KIF18A: variants seen among roughly 807,000 people sequenced by gnomAD.
KIF18A encodes the protein kinesin family member 18A.
Under a neutral mutation model 103.3 loss-of-function variants are expected in KIF18A, and 67 were observed. That is an observed-to-expected ratio of 0.65 (90% confidence interval 0.53 to 0.79). The LOEUF (loss-of-function observed/expected upper bound fraction) is 0.79. Ranked by LOEUF, KIF18A falls within the 30% of genes least tolerant of loss-of-function variation. The pLI, the probability that KIF18A is intolerant of heterozygous loss-of-function variation, is 0.00. For synonymous variants in KIF18A, 367 were observed against 355.5 expected (o/e 1.03, Z -0.36); for missense variants, 1,032 against 1,062.5 (o/e 0.97, Z 0.40).
At chr11:28,084,860 C>A in intron 6 of KIF18A, 52 bp from the exon 7 acceptor site, 2 of 1,418,404 alleles carry the variant, frequency 1.4e-6, no homozygotes, top group South Asian at 1.2e-5. Context: ...TAAATGCAAA[C>A]CTGCTACCAC....
intron 7 of KIF18A, among the ~76,000 whole-genome samples, chr11:28,083,458 T>A (rs1279779725): frequency 6.6e-6 from 1 of 152,114 alleles, no homozygotes; most frequent in Non-Finnish European, 1.5e-5. Context: ...GAAAAGGTAT[T>A]TATAAGCATG....
chr11:28,101,946 T>C (rs1284172403), intron 1 of KIF18A, among the ~76,000 whole-genome samples: 1 of 152,070 alleles, frequency 6.6e-6, no homozygotes, highest in Non-Finnish European at 1.5e-5. Context: ...ATTAGATGCG[T>C]TTTATTTGAC....
chr11:28,081,052 CTGAGAGAGG>C (rs1337128565), intron 9 of KIF18A, among the ~76,000 whole-genome samples: 1 of 152,126 alleles, frequency 6.6e-6, no homozygotes, highest in Non-Finnish European at 1.5e-5. Flanking sequence ...TCTACAAAGG[CTGAGAGAGG>C]TGAGGAAGTT....
At chr11:28,026,930 T>C (rs552631649) in intron 15 of KIF18A, among the ~76,000 whole-genome samples, 2 of 151,942 alleles carry the variant, frequency 1.3e-5, no homozygotes, top group African/African-American at 4.8e-5. Context: ...ATTTGTACCT[T>C]AGCAAATATA....
chr11:28,083,753 T>C (rs764300617), intron 7 of KIF18A, among the ~76,000 whole-genome samples: 3 of 152,138 alleles, frequency 2.0e-5, no homozygotes, highest in African/African-American at 4.8e-5. Context: ...ATCTGTAAAG[T>C]GGAGCTAAGA....
At chr11:28,057,205 TGA>T (rs2133522941) in intron 13 of KIF18A, among the ~76,000 whole-genome samples, 1 of 152,170 alleles carries the variant, frequency 6.6e-6, no homozygotes, top group East Asian at 1.9e-4. Context: ...ATCGATAATC[TGA>T]GAGTTACACA....
rs763642602 is a variant in KIF18A at position 28,062,468 on chromosome 11, C to A, written c.1639G>T (p.Asp547Tyr). 1.9e-6 allele frequency: 3 copies of A among 1,611,644 alleles called. No homozygotes were observed. The highest frequency in any genetic ancestry group is 2.2e-5 in the East Asian group (1 of 44,762). Residue 547 changes from aspartate to tyrosine, a missense_variant, in exon 12 of 17, where the codon GAT becomes TAT. Physicochemically the swap from Asp to Tyr is radical, Grantham distance 160 (BLOSUM62 -3). Coordinates refer to ENST00000263181, the MANE Select transcript of KIF18A (RefSeq NM_031217.4). ...ATATGTCTAATTTGTGCTTTCAAAT[C>A]TTTGTTCTGGAGGTGCAAATGGTGA... Reference protein sequence around the residue: ...HCHHLHLQNKDLKAQIRHMMD... With the variant: ...HCHHLHLQNKYLKAQIRHMMD...
At chr11:28,053,651 C>A (rs1228656904) in intron 13 of KIF18A, among the ~76,000 whole-genome samples, 1 of 164 alleles carries the variant, frequency 6.1e-3, no homozygotes, top group Admixed American at 0.071. Flanking sequence ...CTATCCCTCC[C>A]CCCTTTCCCC....
chr11:28,097,588 G>A, intron 2 of KIF18A, 35 bp downstream of exon 2: 4 of 1,342,624 alleles, frequency 3.0e-6, no homozygotes, highest in Non-Finnish European at 4.3e-6. Flanking sequence ...AGTGAAATCG[G>A]ATAGAGAAAT....
chr11:28,082,762 A>C, intron 9 of KIF18A, 94 bp downstream of exon 9: 1 of 706,886 alleles, frequency 1.4e-6, no homozygotes, highest in Non-Finnish European at 2.3e-6. Flanking sequence ...CTATGTACAT[A>C]TAAAAGACAT....
chr11:28,036,256 T>A lies in KIF18A; in HGVS notation c.2357A>T (p.Gln786Leu), dbSNP rs1476987591. The A allele has an allele frequency of 6.2e-7, 1 of 1,606,990 alleles. No individual in the cohort carries two copies. The highest frequency in any genetic ancestry group is 1.7e-5 in the Admixed American group (1 of 59,082). Residue 786 changes from glutamine (Q) to leucine (L), a missense_variant, in exon 14 of 17, where the codon CAA (glutamine) becomes CTA (leucine). Physicochemically the swap from Gln to Leu is moderately radical, Grantham distance 113. Transcript: ENST00000263181. ...IKSSKCKLPE[Q>L]ESLPNDNKDI... is the part of the protein sequence containing the mutation. ...TTTGTTATCATTTGGTAGTGATTCT[T>A]GTTCGGGTAATTTACACTTCGAGCT...
intron 13 of KIF18A, among the ~76,000 whole-genome samples, chr11:28,057,619 G>A (rs1050063682): frequency 7.2e-5 from 11 of 151,932 alleles, no homozygotes; most frequent in Admixed American, 3.3e-4. Flanking sequence ...ACTCTCATGG[G>A]TACTAAGTAC....
At position 28,097,971 on chromosome 11, in the gene KIF18A, T is replaced by C; in HGVS notation, c.-24A>G. Reference sequence around the variant, plus strand: ...ATTGTTGATTATCTTGATTCCTATCTGTATAAATACTTGAATACTTCTCTG... The same window carrying C: ...ATTGTTGATTATCTTGATTCCTATCCGTATAAATACTTGAATACTTCTCTG... On this transcript the variant is annotated 5_prime_UTR_variant, in exon 2 of 17. Transcript: ENST00000263181. 2 of 1,485,400 alleles carry C rather than the reference T, an allele frequency of 1.3e-6. No individual in the cohort carries two copies. Among genetic ancestry groups the C allele is most frequent in the South Asian group, 1.3e-5 (1 of 75,850 alleles). 92.0% of individuals were successfully genotyped at this position (1,485,400 alleles called of 1,614,324 possible).
At chr11:28,103,625 C>T (rs1192661980) in intron 1 of KIF18A, among the ~76,000 whole-genome samples, 1 of 151,950 alleles carries the variant, frequency 6.6e-6, no homozygotes, top group East Asian at 1.9e-4. Context: ...CCTATTCTCT[C>T]ATAGAGAGTC....
intron 2 of KIF18A, chr11:28,097,402 A>C: frequency 4.0e-6 from 2 of 496,044 alleles, no homozygotes; most frequent in Non-Finnish European, 7.1e-6. Flanking sequence ...GGGCCACAGT[A>C]AGGCCCTGGA....
At chr11:28,047,278 T>C (rs1052464809) in intron 13 of KIF18A, among the ~76,000 whole-genome samples, 2 of 151,976 alleles carry the variant, frequency 1.3e-5, no homozygotes, top group Non-Finnish European at 2.9e-5. Context: ...TTTTAGTCCA[T>C]CGCTACAAGA....
intron 12 of KIF18A, among the ~76,000 whole-genome samples, chr11:28,061,293 A>G (rs1282151950): frequency 6.6e-6 from 1 of 152,196 alleles, no homozygotes; most frequent in Admixed American, 6.6e-5. Context: ...GCGTAAGGTT[A>G]TATTGCTCAT....
At chr11:28,031,980 A>G (rs1850416321) in intron 15 of KIF18A, among the ~76,000 whole-genome samples, 1 of 151,880 alleles carries the variant, frequency 6.6e-6, no homozygotes, top group African/African-American at 2.4e-5. Context: ...CTTATCATAT[A>G]TTTGGAAAAA....
intron 2 of KIF18A, 86 bp from the exon 3 acceptor site, chr11:28,094,886 A>C: frequency 7.7e-7 from 1 of 1,298,624 alleles, no homozygotes; most frequent in Non-Finnish European, 1.1e-6. Flanking sequence ...TTCCATCTGG[A>C]TATCCTGAAC....
Sources: allele counts gnomAD v4.1 joint callset (sites outside exome capture counted in the v4.1 genomes callset), GRCh38; gene constraint gnomAD v4.1.1; transcripts MANE v1.5; gene names NCBI Gene and HGNC (gene_info 2026-07-23, HGNC 2026-07-21).